The following NCOA7 variants were observed in gnomAD, a reference collection of about 807,000 sequenced individuals.
The protein encoded by NCOA7 is nuclear receptor coactivator 7, also known as 140 kDa estrogen receptor-associated protein.
A neutral mutation model predicts 104.3 loss-of-function variants in NCOA7; 45 were observed. The ratio of observed to expected loss-of-function variants is 0.43; its 90% confidence interval spans 0.34 to 0.55. The LOEUF is 0.55. NCOA7 is among the 20% of genes least tolerant of loss of function. NCOA7 has a pLI of 0.02. For synonymous variants in NCOA7, 398 were observed against 402.3 expected, an observed-to-expected ratio of 0.99 and a Z score of 0.13; for missense variants, 1,041 against 1,119.7, an observed-to-expected ratio of 0.93 and a Z score of 1.00.
At chr6:125,914,828 C>A (rs1786907751) in intron 10 of NCOA7, among the ~76,000 whole-genome samples, 1 of 152,154 alleles carries the variant, frequency 6.6e-6, no homozygotes, top group African/African-American at 2.4e-5. Context: ...AATTAGATTT[C>A]TTTCTAATAT....
chr6:125,922,979 T>C (rs1787720912), intron 13 of NCOA7, 145 bp downstream of exon 13: 4 of 700,804 alleles, frequency 5.7e-6, no homozygotes, highest in South Asian at 5.1e-5. Context: ...CTTTGTTTTT[T>C]CTCTGCTGAA....
At chr6:125,893,725 A>G (rs1368994904) in intron 10 of NCOA7, among the ~76,000 whole-genome samples, 1 of 152,178 alleles carries the variant, frequency 6.6e-6, no homozygotes, top group African/African-American at 2.4e-5. Flanking sequence ...TAGATACTAG[A>G]AATTAGAGAT....
chr6:125,864,707 G>A (rs1782306531), intron 3 of NCOA7, among the ~76,000 whole-genome samples: 1 of 137,288 alleles, frequency 7.3e-6, no homozygotes, highest in South Asian at 2.2e-4. Flanking sequence ...AATACGCCGA[G>A]TTTGCCAGTG....
intron 2 of NCOA7, among the ~76,000 whole-genome samples, chr6:125,837,242 CTCAT>C (rs1246870187): frequency 8.6e-5 from 13 of 152,024 alleles, no homozygotes; most frequent in Non-Finnish European, 1.0e-4. Flanking sequence ...AAGTTTGTTT[CTCAT>C]TCATTCATTC....
At chr6:125,850,030 ATTG>A (rs1243925365) in intron 2 of NCOA7, among the ~76,000 whole-genome samples, 3 of 152,190 alleles carry the variant, frequency 2.0e-5, no homozygotes, top group Admixed American at 2.0e-4. Flanking sequence ...GCAAATCCGT[ATTG>A]TGAGACTATC....
At chr6:125,927,854 TCTC>T (rs1788170919) in intron 14 of NCOA7, 96 bp downstream of exon 14, 2 of 1,020,308 alleles carry the variant, frequency 2.0e-6, no homozygotes, top group African/African-American at 1.6e-5. Flanking sequence ...TCCTGTAACT[TCTC>T]CTGAACTGAC....
rs145478048 is a variant in NCOA7, at chr6:125,784,682, C to G, written c.-141-1455C>G. ...AATGGTTAAACAAACTGTGGTACAT[C>G]GATATGCCTTGGAATATTATCTGAA... On this transcript the variant is annotated intron_variant, in intron 1 of 16. Transcript: ENST00000368357. Among the ~76,000 whole-genome samples the G allele has an allele frequency of 3.3e-3, 509 of 152,192 alleles. 6 individuals are homozygous for G. The highest frequency in any genetic ancestry group is 0.012 in the African/African-American group (495 of 41,508).
intron 2 of NCOA7, among the ~76,000 whole-genome samples, chr6:125,826,528 T>G (rs978407775): frequency 6.6e-6 from 1 of 152,068 alleles, no homozygotes; most frequent in Non-Finnish European, 1.5e-5. Flanking sequence ...AACTAGATAT[T>G]TAAGACTTCT....
intron 1 of NCOA7, among the ~76,000 whole-genome samples, chr6:125,785,154 A>G (rs1183307241): frequency 6.6e-6 from 1 of 152,186 alleles, no homozygotes; most frequent in Admixed American, 6.5e-5. Flanking sequence ...CCTGGCCAAC[A>G]TGGTGAAATC....
At chr6:125,857,288 A>T (rs9491519) in intron 3 of NCOA7, among the ~76,000 whole-genome samples, 5,470 of 152,116 alleles carry the variant, frequency 0.036, 325 homozygotes, top group African/African-American at 0.12. Context: ...CCCAGACTGG[A>T]GTACAATGGT....
chr6:125,892,795 T>A (rs1784724679), intron 10 of NCOA7, among the ~76,000 whole-genome samples: 1 of 152,248 alleles, frequency 6.6e-6, no homozygotes, highest in African/African-American at 2.4e-5. Flanking sequence ...ATACTTAGTT[T>A]TCTTTCTTGA....
intron 3 of NCOA7, among the ~76,000 whole-genome samples, chr6:125,862,075 A>C (rs1345133844): frequency 7.7e-6 from 1 of 130,476 alleles, no homozygotes; most frequent in Non-Finnish European, 1.6e-5. Flanking sequence ...GAAAGTGATA[A>C]GATGACAGGT....
chr6:125,822,433 G>T (rs1284230009), intron 2 of NCOA7, among the ~76,000 whole-genome samples: 1 of 152,138 alleles, frequency 6.6e-6, no homozygotes, highest in Non-Finnish European at 1.5e-5. Flanking sequence ...TCCTTAAAAT[G>T]ATCCTACAAA....
chr6:125,885,090 A>G (rs551911521), intron 7 of NCOA7, 69 bp from the exon 8 acceptor site: 1 of 1,536,276 alleles, frequency 6.5e-7, no homozygotes, highest in East Asian at 2.3e-5. Context: ...TGAGTTAATT[A>G]AAGCTCTGTG....
In NCOA7 at chr6:125,930,745, A is replaced by G. The variant is rs186109538; in HGVS notation, c.*1974A>G. 2.6e-5 allele frequency: 4 copies of G among 152,360 alleles called. No homozygotes were observed. The East Asian group carries it at 5.8e-4, about 22-fold the overall frequency. 9.4% of individuals were successfully genotyped at this position (152,360 alleles called of 1,614,324 possible). A position where few individuals can be genotyped will look rare whatever the true frequency, so the allele number is the denominator to read the frequency against. ...GTAGCCTGGGTGTACGTTTCACTCAAGTTCTCCTACTGAGGACTCTTGACT... is the reference window on the plus strand; with the variant it reads ...GTAGCCTGGGTGTACGTTTCACTCAGGTTCTCCTACTGAGGACTCTTGACT... On this transcript the variant is annotated 3_prime_UTR_variant, in exon 16 of 16. Coordinates refer to ENST00000392477, the MANE Select transcript of NCOA7 (RefSeq NM_181782.5).
intron 2 of NCOA7, among the ~76,000 whole-genome samples, chr6:125,839,885 T>C (rs1354817298): frequency 6.6e-6 from 1 of 152,090 alleles, no homozygotes; most frequent in East Asian, 1.9e-4. Context: ...TAATACTTGA[T>C]AATGATGATA....
intron 10 of NCOA7, among the ~76,000 whole-genome samples, chr6:125,893,131 G>A (rs1784751301): frequency 6.6e-6 from 1 of 152,330 alleles, no homozygotes; most frequent in Non-Finnish European, 1.5e-5. Flanking sequence ...TCTCACTTCA[G>A]TTATAATTTC....
At chr6:125,815,110 C>T (rs1208838657) in intron 1 of NCOA7, 181 bp from the exon 2 acceptor site, 3 of 325,848 alleles carry the variant, frequency 9.2e-6, no homozygotes, top group Admixed American at 5.0e-5. Flanking sequence ...TTTAACATCT[C>T]CATTCTGATT....
At chr6:125,856,605 G>A (rs972512586) in intron 3 of NCOA7, among the ~76,000 whole-genome samples, 7 of 152,102 alleles carry the variant, frequency 4.6e-5, no homozygotes, top group Admixed American at 2.0e-4. Flanking sequence ...AAGAGATGGG[G>A]CCTCCCAAAG....
Sources: allele counts gnomAD v4.1 joint callset (sites outside exome capture counted in the v4.1 genomes callset), GRCh38; gene constraint gnomAD v4.1.1; transcripts MANE v1.5; gene names NCBI Gene and HGNC (gene_info 2026-07-23, HGNC 2026-07-21).